Variants in MLLT3 observed in about 807,000 individuals in gnomAD.
MLLT3 encodes MLLT3 super elongation complex subunit, also known as protein AF-9.
MLLT3 carries 4 observed loss-of-function variants against 53.2 expected under a neutral mutation model. That is an observed-to-expected ratio of 0.08 (90% CI 0.04 to 0.17). The LOEUF (loss-of-function observed/expected upper bound fraction) is 0.17. MLLT3 is among the 10% of genes least tolerant of loss of function. The pLI is 1.00. For synonymous variants in MLLT3, 283 were observed against 230.6 expected (o/e 1.23, Z -2.06); for missense variants, 569 against 684.0 (o/e 0.83, Z 1.87).
chr9:20,448,282 A>T lies in MLLT3; in HGVS notation c.277-16T>A. On this transcript the variant is annotated splice_polypyrimidine_tract_variant and intron_variant, in intron 3 of 10. Coordinates refer to ENST00000380338, the MANE Select transcript of MLLT3 (RefSeq NM_004529.4). The surrounding 1 kb of genome is among the most constrained non-coding windows in gnomAD (Gnocchi z 4.0). ...TAGGTTCTTCCTGGAGGTTAACAAA[A>T]ATTATGAAAGAAAAAAGAGAGTGAG... 1.2e-6 allele frequency: 2 copies of T among 1,608,520 alleles called. No homozygotes were observed. The highest frequency in any genetic ancestry group is 1.7e-6 in the Non-Finnish European group (2 of 1,178,108).
chr9:20,342,646 A>G lies in MLLT3; in HGVS notation c.*3797T>C. 1 of 215,202 alleles carries G rather than the reference A, an allele frequency of 4.6e-6. No individual in the cohort carries two copies. Among genetic ancestry groups the G allele is most frequent in the African/African-American group, 2.3e-5 (1 of 44,298 alleles). 13.3% of individuals were successfully genotyped at this position (215,202 alleles called of 1,614,324 possible). A position where few individuals can be genotyped will look rare whatever the true frequency, so the allele number is the denominator to read the frequency against. ...TTTACAAGGAATATTCAGGGATGGC[A>G]GTGCCTACATAATAAAAAGCATCAT... On this transcript the variant is annotated 3_prime_UTR_variant, in exon 11 of 11. Transcript: ENST00000380338.
intron 2 of MLLT3, among the ~76,000 whole-genome samples, chr9:20,578,730 G>C (rs1176384671): frequency 6.6e-6 from 1 of 151,754 alleles, no homozygotes; most frequent in Admixed American, 6.6e-5. Flanking sequence ...GAAAACCCTT[G>C]AACATTATAT....
chr9:20,398,994 G>C (rs1310449087), intron 5 of MLLT3, among the ~76,000 whole-genome samples: 2 of 152,136 alleles, frequency 1.3e-5, no homozygotes, highest in African/African-American at 2.4e-5. Flanking sequence ...CCAACACAAA[G>C]GCAAGGGGCT....
Position 20,343,746 on chromosome 9 carries a change from T to A in MLLT3, c.*2697A>T. On this transcript the variant is annotated 3_prime_UTR_variant, in exon 11 of 11. Coordinates refer to ENST00000380338, the MANE Select transcript of MLLT3 (RefSeq NM_004529.4). ...TATTTATATATGTACACCAAAGAAA[T>A]TAAACCCTGCCATTTTCCCTTTGTG... is the stretch of plus-strand genomic sequence containing the variant. 4.6e-6 allele frequency: 1 copy of A among 215,674 alleles called. No homozygotes were observed. Among genetic ancestry groups the A allele is most frequent in the Non-Finnish European group, 9.3e-6 (1 of 107,016 alleles). The allele number at this position is 215,674 out of a possible 1,614,324, so 13.4% of individuals were successfully genotyped here.
chr9:20,347,272 C>T (rs145381034), intron 10 of MLLT3, among the ~76,000 whole-genome samples: 77 of 152,144 alleles, frequency 5.1e-4, no homozygotes, highest in African/African-American at 1.7e-3. Context: ...TATACTTTAA[C>T]ATAAAAATAA....
chr9:20,362,691 T>A (rs963969607), intron 7 of MLLT3: 3 of 147,238 alleles, frequency 2.0e-5, no homozygotes, highest in Non-Finnish European at 4.4e-5. Flanking sequence ...GTCTCTCCAG[T>A]TTGGGTTAAG....
intron 2 of MLLT3, among the ~76,000 whole-genome samples, chr9:20,468,701 C>T (rs1006375334): frequency 7.9e-5 from 12 of 152,206 alleles, no homozygotes; most frequent in Admixed American, 2.6e-4. Context: ...CCTCCTCTGT[C>T]ACATAAGAAG....
intron 2 of MLLT3, among the ~76,000 whole-genome samples, chr9:20,495,358 C>G (rs1459816319): frequency 6.6e-6 from 1 of 152,138 alleles, no homozygotes; most frequent in Admixed American, 6.5e-5. Flanking sequence ...ACAAGATGCC[C>G]AGGTTATCAG....
At chr9:20,442,509 TGAAGA>T (rs1823579776) in intron 4 of MLLT3, among the ~76,000 whole-genome samples, 1 of 152,156 alleles carries the variant, frequency 6.6e-6, no homozygotes, top group Admixed American at 6.6e-5. Flanking sequence ...AATTAAAATT[TGAAGA>T]GAAGAGATTG....
chr9:20,543,926 C>T (rs181096051), intron 2 of MLLT3, among the ~76,000 whole-genome samples: 81 of 149,596 alleles, frequency 5.4e-4, no homozygotes, highest in Non-Finnish European at 9.6e-4. Flanking sequence ...ATCTGCAAAG[C>T]GTAATAAAGT....
At chr9:20,541,554 T>C (rs533309048) in intron 2 of MLLT3, among the ~76,000 whole-genome samples, 1 of 152,196 alleles carries the variant, frequency 6.6e-6, no homozygotes, top group Non-Finnish European at 1.5e-5. Flanking sequence ...CCTGCCACAC[T>C]TTTAAAACTT....
intron 4 of MLLT3, among the ~76,000 whole-genome samples, chr9:20,420,436 G>C (rs1460683427): frequency 6.6e-6 from 1 of 152,128 alleles, no homozygotes; most frequent in East Asian, 1.9e-4. Flanking sequence ...GCCCCCAAAA[G>C]AAAGTATGAG....
intron 2 of MLLT3, among the ~76,000 whole-genome samples, chr9:20,561,656 G>C (rs1819214991): frequency 6.6e-6 from 1 of 152,114 alleles, no homozygotes; most frequent in African/African-American, 2.4e-5. Flanking sequence ...AACAGACCTG[G>C]TTGGCATCAA....
At chr9:20,615,368 A>C (rs1820805149) in intron 2 of MLLT3, among the ~76,000 whole-genome samples, 1 of 144,968 alleles carries the variant, frequency 6.9e-6, no homozygotes, top group Admixed American at 6.9e-5. Flanking sequence ...GTGAAAAAAA[A>C]AAAAAAAAAA....
rs79930755 is a variant in MLLT3, at chr9:20,441,120, G to A, written c.420+7003C>T. Among the ~76,000 whole-genome samples the A allele has an allele frequency of 6.2e-3, 947 of 152,200 alleles. 14 individuals carry two copies. The highest frequency in any genetic ancestry group is 0.022 in the African/African-American group (898 of 41,536). On this transcript the variant is annotated intron_variant, in intron 4 of 10. Transcript: ENST00000380338. ...GTCTTTGCTTAGTTTATGCAGTAAT[G>A]GCGTTTGAGCTTTCAGCAGAGTGGA...
At chr9:20,550,399 C>A (rs1289870805) in intron 2 of MLLT3, among the ~76,000 whole-genome samples, 1 of 152,102 alleles carries the variant, frequency 6.6e-6, no homozygotes, top group Non-Finnish European at 1.5e-5. Context: ...TGGATTTCTT[C>A]CTTGGTGCCA....
At chr9:20,543,258 T>A (rs895625452) in intron 2 of MLLT3, among the ~76,000 whole-genome samples, 3 of 152,254 alleles carry the variant, frequency 2.0e-5, no homozygotes, top group Non-Finnish European at 2.9e-5. Flanking sequence ...AACTACTTGG[T>A]ACAAGAGGCC....
intron 2 of MLLT3, among the ~76,000 whole-genome samples, chr9:20,515,298 T>C (rs1161087380): frequency 1.3e-5 from 2 of 152,216 alleles, no homozygotes; most frequent in Admixed American, 6.5e-5. Flanking sequence ...AATGTAACGA[T>C]GTCACTACTT....
At chr9:20,442,500 A>C (rs1563967119) in intron 4 of MLLT3, among the ~76,000 whole-genome samples, 1 of 152,186 alleles carries the variant, frequency 6.6e-6, no homozygotes, top group Non-Finnish European at 1.5e-5. Flanking sequence ...ATTCAAAAAA[A>C]TTAAAATTTG....
Sources: gnomAD v4.1 joint callset for allele counts (sites outside exome capture counted in the v4.1 genomes callset) on GRCh38, gnomAD v4.1.1 for gene constraint, Gnocchi (gnomAD v3.1) non-coding constraint, MANE v1.5 for transcripts, NCBI Gene and HGNC (gene_info 2026-07-23, HGNC 2026-07-21) for gene names.